CEP152: variants seen among roughly 807,000 people sequenced by gnomAD.
The protein encoded by CEP152 is centrosomal protein 152.
Under a neutral mutation model 188.9 loss-of-function variants are expected in CEP152, and 132 were observed. The observed-to-expected ratio is 0.70, with a 90% CI of 0.61 to 0.81. The LOEUF is 0.81. Among genes scored for constraint, CEP152 ranks in the 30% least tolerant of loss-of-function variants. CEP152 has a pLI of 0.00. For missense variants in CEP152, 1,914 were observed against 1,969.8 expected (o/e 0.97, Z 0.54); for synonymous variants, 649 against 666.6 (o/e 0.97, Z 0.41).
In CEP152 at chr15:48,738,575, T is replaced by C. The variant is rs754432509; in HGVS notation, c.4807A>G (p.Ser1603Gly). Residue 1603 changes from serine to glycine, a missense_variant, in exon 27 of 27, where the codon AGT becomes GGT. Ser to Gly is a moderately conservative substitution (Grantham distance 56, BLOSUM62 0). Coordinates refer to ENST00000380950, the MANE Select transcript of CEP152 (RefSeq NM_001194998.2). ...GRPQGTLEIP[S>G]ESVKSKQFSP... ...AACTGTTTGGATTTAACAGATTCAC[T>C]TGGTATTTCCAAAGTTCCTTGTGGC... 5 of 1,614,102 alleles carry C rather than the reference T, an allele frequency of 3.1e-6. No homozygotes were observed. Among genetic ancestry groups the C allele is most frequent in the African/African-American group, 2.7e-5 (2 of 74,942 alleles).
chr15:48,758,718 CAAA>C (rs869223881), intron 19 of CEP152, among the ~76,000 whole-genome samples: 6 of 70,460 alleles, frequency 8.5e-5, no homozygotes, highest in African/African-American at 1.3e-4. Flanking sequence ...GACTCCATCT[CAAA>C]AAAAAAAAAA....
chr15:48,765,687 T>C (rs1186463038), intron 17 of CEP152: 1 of 375,292 alleles, frequency 2.7e-6, no homozygotes, highest in East Asian at 8.5e-5. Flanking sequence ...GGAGTTTCGC[T>C]CTGTCGCCCA....
At chr15:48,793,192 A>G (rs1163596564) in intron 7 of CEP152, 129 bp downstream of exon 7, 1 of 1,035,860 alleles carries the variant, frequency 9.7e-7, no homozygotes, top group Non-Finnish European at 1.5e-6. Flanking sequence ...TTGTTTTGCT[A>G]TGCCTCACTC....
intron 17 of CEP152, chr15:48,765,603 C>G (rs1321046114): frequency 4.8e-6 from 2 of 412,536 alleles, no homozygotes; most frequent in South Asian, 3.5e-5. Flanking sequence ...CTGGAATGAC[C>G]TCTTTGAGAA....
chr15:48,756,289 G>C lies in CEP152; in HGVS notation c.2959C>G (p.Arg987Gly), dbSNP rs267606718. ...QDYRQFLDDH[R>G]NKINEVLAAA... ...GCAAGCACCTCATTAATTTTATTTC[G>C]GTGATCATCTAAAAATTGCCGGTAA... The change falls in exon 20 of 27, where the codon CGA (arginine) becomes GGA (glycine). Residue 987 changes from arginine (R) to glycine (G), a missense_variant. By Grantham distance (125) the Arg-to-Gly change is moderately radical. Coordinates refer to ENST00000380950, the MANE Select transcript of CEP152 (RefSeq NM_001194998.2). 3.2e-6 allele frequency: 5 copies of C among 1,576,606 alleles called. No individual in the cohort carries two copies. The highest frequency in any genetic ancestry group is 4.3e-6 in the Non-Finnish European group (5 of 1,164,490).
At chr15:48,762,982 C>A (rs1894799595) in intron 17 of CEP152, among the ~76,000 whole-genome samples, 1 of 138,228 alleles carries the variant, frequency 7.2e-6, no homozygotes, top group African/African-American at 3.2e-5. Context: ...ACAAAGATGG[C>A]AGGATTTAAA....
chr15:48,805,897 G>C (rs1388694328), intron 1 of CEP152, among the ~76,000 whole-genome samples: 1 of 152,160 alleles, frequency 6.6e-6, no homozygotes, highest in East Asian at 1.9e-4. Flanking sequence ...GACCTTTCTA[G>C]TGGTCTGAAG....
intron 12 of CEP152, among the ~76,000 whole-genome samples, chr15:48,777,482 G>GTGTGTGTC (rs1302784160): frequency 2.0e-5 from 3 of 151,678 alleles, no homozygotes; most frequent in Non-Finnish European, 2.9e-5. Flanking sequence ...GTGTGTGTGT[G>GTGTGTGTC]TGTGTGTGTG....
At chr15:48,735,059 T>C (rs1411584436), downstream of CEP152, among the ~76,000 whole-genome samples, 2 of 152,244 alleles carry the variant, frequency 1.3e-5, no homozygotes, top group Non-Finnish European at 1.5e-5. Flanking sequence ...AAGAGCAGAA[T>C]ATACATTCTT....
chr15:48,784,216 C>G, intron 9 of CEP152, 96 bp from the exon 10 acceptor site: 1 of 1,225,504 alleles, frequency 8.2e-7, no homozygotes, highest in Non-Finnish European at 1.2e-6. Context: ...TGATGTCAAA[C>G]ACAAGATCAT....
chr15:48,729,230 T>C (rs980793617), intron 2 of CEP152: 6 of 152,184 alleles, frequency 3.9e-5, no homozygotes, highest in African/African-American at 1.4e-4. Flanking sequence ...TTAGGGCAAT[T>C]TGAATATAGA....
chr15:48,738,630 G>A lies in CEP152; in HGVS notation c.4752C>T (p.Asp1584=). 1.2e-6 allele frequency: 2 copies of A among 1,614,178 alleles called. No homozygotes were observed. The highest frequency in any genetic ancestry group is 1.6e-4 in the Middle Eastern group (1 of 6,062). ...CATGTACAAATGATGCTTCACGACT[G>A]TCAAAGGATAAGGTTGCACTGCTGG... ...WPSSSATLSF[D]SREASFVHGR... Residue 1584 remains aspartate (D), a synonymous_variant, in exon 27 of 27, where the codon GAC becomes GAT. Transcript: ENST00000380950.
At chr15:48,787,008 G>A (rs1350436149) in intron 9 of CEP152, among the ~76,000 whole-genome samples, 1 of 151,954 alleles carries the variant, frequency 6.6e-6, no homozygotes, top group Non-Finnish European at 1.5e-5. Context: ...CATCCAAGAA[G>A]GGCTACTGTC....
chr15:48,743,581 G>A (rs776613769), intron 24 of CEP152, among the ~76,000 whole-genome samples: 15 of 152,180 alleles, frequency 9.9e-5, no homozygotes, highest in South Asian at 2.1e-4. Flanking sequence ...TATGGTAGGA[G>A]GCCGGGCACA....
At chr15:48,735,949 A>C (rs1041859467), downstream of CEP152, among the ~76,000 whole-genome samples, 3 of 152,162 alleles carry the variant, frequency 2.0e-5, no homozygotes, top group African/African-American at 7.2e-5. Flanking sequence ...CAAAATCAGG[A>C]ATGAAAGGGG....
rs1894579463 is a variant in CEP152 at position 48,760,217 on chromosome 15, G to C, written c.2612C>G (p.Pro871Arg). ...NAHQRWLGEL[P>R]ELAEYQALVK... ...AAGTGCTTGATACTCTGCCAGCTCTGGTAGTTCTCCCAGCCATCGCTGATG... is the reference window on the plus strand; with the variant it reads ...AAGTGCTTGATACTCTGCCAGCTCTCGTAGTTCTCCCAGCCATCGCTGATG... Residue 871 changes from proline (P) to arginine (R), a missense_variant, in exon 19 of 27, where the codon CCA (proline) becomes CGA (arginine). Coordinates refer to ENST00000380950, the MANE Select transcript of CEP152 (RefSeq NM_001194998.2). 1.2e-6 allele frequency: 2 copies of C among 1,613,990 alleles called. No homozygotes were observed. The highest frequency in any genetic ancestry group is 4.5e-5 in the East Asian group (2 of 44,862).
downstream of CEP152, among the ~76,000 whole-genome samples, chr15:48,737,412 C>T (rs544228380): frequency 1.3e-5 from 2 of 152,272 alleles, no homozygotes; most frequent in Admixed American, 1.3e-4. Context: ...TCATTCATTT[C>T]TGCATGTATT....
Position 48,772,755 on chromosome 15 carries a change from A to G in CEP152, c.1578-64T>C, listed in dbSNP as rs541230039. 9.1e-5 allele frequency: 126 copies of G among 1,387,968 alleles called. 1 individual carries two copies. In the Admixed American group the frequency reaches 2.1e-3, roughly 23 times the overall value. The allele number at this position is 1,387,968 out of a possible 1,614,324, so 86.0% of individuals were successfully genotyped here. ...AATAAATCAGACATGGTTATTCCCT[A>G]AAAGCACTGACCACAGTGGTGAACA... is the stretch of plus-strand genomic sequence containing the variant. On this transcript the variant is annotated intron_variant, in intron 12 of 26. Transcript: ENST00000380950.
chr15:48,781,295 T>C lies in CEP152; in HGVS notation c.1478A>G (p.His493Arg), dbSNP rs775450899. 4 of 1,611,794 alleles carry C rather than the reference T, an allele frequency of 2.5e-6. No homozygotes were observed. In the African/African-American group the frequency reaches 4.0e-5, roughly 16 times the overall value. Residue 493 changes from histidine (H) to arginine (R), a missense_variant, in exon 12 of 27, where the codon CAT becomes CGT. Physicochemically the swap from His to Arg is conservative, Grantham distance 29. Coordinates refer to ENST00000380950, the MANE Select transcript of CEP152 (RefSeq NM_001194998.2). ...TAATTCTCCTTCTGAGTCACTTGGA[T>C]GTATTCCTAGTTTTGCAGCAGATTC... ...LYESAAKLGI[H>R]PSDSEGELNI...
Sources: allele counts gnomAD v4.1 joint callset (sites outside exome capture counted in the v4.1 genomes callset), GRCh38; gene constraint gnomAD v4.1.1; transcripts MANE v1.5; gene names NCBI Gene and HGNC (gene_info 2026-07-23, HGNC 2026-07-21).